The following RAVER2 variants were observed in gnomAD, a reference collection of about 807,000 sequenced individuals.
RAVER2 encodes the protein ribonucleoprotein, PTB binding 2, also known as ribonucleoprotein PTB-binding 2.
A neutral mutation model predicts 78.1 loss-of-function variants in RAVER2; 46 were observed. The ratio of observed to expected loss-of-function variants is 0.59; its 90% CI spans 0.46 to 0.75. The LOEUF is 0.75. Among genes scored for constraint, RAVER2 ranks in the 30% least tolerant of loss-of-function variants. RAVER2 has a pLI of 0.00. For synonymous variants in RAVER2, 311 were observed against 313.3 expected (o/e 0.99, Z 0.08); for missense variants, 793 against 837.5 (o/e 0.95, Z 0.66).
intron 1 of RAVER2, among the ~76,000 whole-genome samples, chr1:64,749,367 C>A (rs936827596): frequency 6.6e-6 from 1 of 151,636 alleles, no homozygotes; most frequent in East Asian, 1.9e-4. Context: ...TGTGCCACCA[C>A]GCTCGGCTAA....
intron 5 of RAVER2, among the ~76,000 whole-genome samples, chr1:64,789,976 C>T (rs1230553324): frequency 2.0e-5 from 3 of 152,112 alleles, no homozygotes; most frequent in African/African-American, 7.2e-5. Flanking sequence ...ATGATGAAAA[C>T]ATTATTATTT....
chr1:64,815,004 A>C, intron 11 of RAVER2, 164 bp downstream of exon 11: 1 of 552,860 alleles, frequency 1.8e-6, no homozygotes, highest in African/African-American at 2.0e-5. Context: ...GAATGTGTTC[A>C]AGACATTATT....
rs1200210828 is a variant in RAVER2 at position 64,745,988 on chromosome 1, T to C, written c.249+567T>C. ...TTGCTAAGGCCCCAGAATAGAGTTA[T>C]TGCTGCGCTCCTTGGAGCCTTGCAG... On this transcript the variant is annotated intron_variant, in intron 1 of 11. Coordinates refer to ENST00000294428, the Ensembl canonical transcript of RAVER2. This position sits in a 1 kb window ranked among gnomAD's most constrained non-coding sequence, Gnocchi z 4.3. Among the ~76,000 whole-genome samples the C allele has an allele frequency of 6.6e-6, 1 of 152,210 alleles. No individual in the cohort carries two copies. The highest frequency in any genetic ancestry group is 1.5e-5 in the Non-Finnish European group (1 of 68,028).
chr1:64,762,638 A>C (rs1312179461), intron 1 of RAVER2, among the ~76,000 whole-genome samples: 1 of 152,234 alleles, frequency 6.6e-6, no homozygotes, highest in African/African-American at 2.4e-5. Context: ...TAGAAAGAAT[A>C]GTCTTTTCAA....
intron 1 of RAVER2, among the ~76,000 whole-genome samples, chr1:64,760,741 T>A (rs1651997260): frequency 6.6e-6 from 1 of 152,216 alleles, no homozygotes; most frequent in Non-Finnish European, 1.5e-5. Context: ...GTTTTTGCTT[T>A]TACCTCCAAG....
At chr1:64,781,715 TA>T (rs1360716101) in intron 4 of RAVER2, 144 bp downstream of exon 4, 3 of 832,794 alleles carry the variant, frequency 3.6e-6, no homozygotes, top group African/African-American at 1.7e-5. Flanking sequence ...TCCTTTTTTT[TA>T]AAAAAGGTTA....
chr1:64,768,861 C>T (rs1405646056), intron 2 of RAVER2, 139 bp downstream of exon 2: 6 of 574,516 alleles, frequency 1.0e-5, no homozygotes, highest in Non-Finnish European at 9.3e-6. Flanking sequence ...GTAACCCACA[C>T]TGTCTATTTT....
At chr1:64,750,083 A>G (rs1651655248) in intron 1 of RAVER2, among the ~76,000 whole-genome samples, 1 of 152,166 alleles carries the variant, frequency 6.6e-6, no homozygotes, top group Non-Finnish European at 1.5e-5. Flanking sequence ...AGGAAACAAA[A>G]CATTCTATTG....
intron 5 of RAVER2, among the ~76,000 whole-genome samples, chr1:64,801,469 T>C (rs1653261068): frequency 6.6e-6 from 1 of 151,958 alleles, no homozygotes; most frequent in Admixed American, 6.5e-5. Context: ...ATATTTTCTA[T>C]CTCATGGTCC....
intron 1 of RAVER2, among the ~76,000 whole-genome samples, chr1:64,767,752 A>G (rs1037145972): frequency 6.6e-6 from 1 of 151,998 alleles, no homozygotes; most frequent in African/African-American, 2.4e-5. Flanking sequence ...TATTCACTCT[A>G]ATGTATGTTT....
intron 1 of RAVER2, among the ~76,000 whole-genome samples, chr1:64,754,505 G>C: frequency 6.6e-6 from 1 of 152,100 alleles, no homozygotes. Context: ...GGATTGATTT[G>C]TTAATAAATT....
At chr1:64,796,655 C>T (rs1223149490) in intron 5 of RAVER2, among the ~76,000 whole-genome samples, 1 of 152,052 alleles carries the variant, frequency 6.6e-6, no homozygotes, top group African/African-American at 2.4e-5. Context: ...CTCTTTTTTC[C>T]TGATAAGTCT....
chr1:64,799,507 A>G (rs1653199701), intron 5 of RAVER2, among the ~76,000 whole-genome samples: 1 of 152,106 alleles, frequency 6.6e-6, no homozygotes, highest in Non-Finnish European at 1.5e-5. Flanking sequence ...CAGTGGCATG[A>G]TCTCAGCTCA....
intron 1 of RAVER2, 149 bp from the exon 2 acceptor site, chr1:64,768,507 A>G: frequency 1.6e-6 from 1 of 608,156 alleles, no homozygotes; most frequent in Non-Finnish European, 2.9e-6. Context: ...CTTTAATTTA[A>G]GTAAGTAATG....
At chr1:64,768,801 T>G in intron 2 of RAVER2, 79 bp downstream of exon 2, 2 of 880,592 alleles carry the variant, frequency 2.3e-6, no homozygotes, top group South Asian at 1.5e-5. Context: ...CTCAGTGTCT[T>G]TTCATGCTTA....
chr1:64,779,228 C>T (rs1652559593), intron 3 of RAVER2, among the ~76,000 whole-genome samples: 1 of 151,880 alleles, frequency 6.6e-6, no homozygotes, highest in African/African-American at 2.4e-5. Flanking sequence ...ATCTTTTGAA[C>T]CTATTTCTCT....
intron 11 of RAVER2, among the ~76,000 whole-genome samples, chr1:64,820,742 C>T (rs747515670): frequency 1.3e-5 from 2 of 152,184 alleles, no homozygotes; most frequent in African/African-American, 4.8e-5. Context: ...AAGACATGAG[C>T]TCGTTCTTTT....
Position 64,830,971 on chromosome 1 carries a change from A to T in RAVER2, c.2062A>T (p.Lys688Ter), listed in dbSNP as rs765536989. Reference sequence around the variant, plus strand: ...TTACATGGAAACTTACTTAAAAAAGAAGCGAGTATACTGAGTTAAGCTCTC... The same window carrying T: ...TTACATGGAAACTTACTTAAAAAAGTAGCGAGTATACTGAGTTAAGCTCTC... The change falls in exon 12 of 12, where the codon AAG becomes TAG. Residue 688 changes from lysine (K) to a stop codon, truncating the protein, a stop_gained. Transcript: ENST00000294428. LOFTEE classifies it high-confidence loss of function. The T allele has an allele frequency of 1.2e-6, 2 of 1,613,754 alleles. No homozygotes were observed. Among genetic ancestry groups the T allele is most frequent in the Non-Finnish European group, 1.7e-6 (2 of 1,179,742 alleles).
intron 1 of RAVER2, among the ~76,000 whole-genome samples, chr1:64,759,467 C>T (rs766507675): frequency 5.9e-5 from 9 of 151,600 alleles, no homozygotes; most frequent in African/African-American, 1.9e-4. Flanking sequence ...GATCCGCCCG[C>T]CTCGGCCTCC....
Sources: allele counts gnomAD v4.1 joint callset (sites outside exome capture counted in the v4.1 genomes callset), GRCh38; gene constraint gnomAD v4.1.1; non-coding constraint Gnocchi (gnomAD v3.1); transcripts MANE v1.5; gene names NCBI Gene and HGNC (gene_info 2026-07-23, HGNC 2026-07-21).